Variants in LOC101059915 observed in about 807,000 individuals in gnomAD.
At chrX:71,667,864 C>T in the LOC101059915 span, 10 of 1,095,331 alleles carry the variant, frequency 9.1e-6, no homozygotes, top group Non-Finnish European at 1.2e-5. Flanking sequence ...GGGTGGCGAG[C>T]AGGCCGGCGC....
chrX:71,668,698 G>C, the LOC101059915 span: 5 of 1,076,445 alleles, frequency 4.6e-6, no homozygotes, highest in African/African-American at 7.6e-5. Flanking sequence ...GGGAAAGAGG[G>C]GGGTCAGGCC....
chrX:71,668,997 A>G, the LOC101059915 span: 12 of 1,165,093 alleles, frequency 1.0e-5, no homozygotes, highest in Non-Finnish European at 1.1e-5. Flanking sequence ...CTGCGGCCAG[A>G]GAAGATAATG....
the LOC101059915 span, among the ~76,000 whole-genome samples, chrX:71,669,993 C>T: frequency 8.9e-6 from 1 of 112,628 alleles, no homozygotes. Flanking sequence ...AAGTCCTGCT[C>T]AGCCATACCG....
chrX:71,669,156 C>T, the LOC101059915 span: 20 of 930,651 alleles, frequency 2.1e-5, no homozygotes, highest in South Asian at 2.7e-5. Context: ...CCCATGCCCT[C>T]TCTATCCCTT....
At chrX:71,667,854 G>A in the LOC101059915 span, 3 of 1,095,591 alleles carry the variant, frequency 2.7e-6, no homozygotes, top group South Asian at 4.7e-5. Flanking sequence ...TAGGCCCAGA[G>A]GGTGGCGAGC....
chrX:71,669,610 T>C, the LOC101059915 span: 18 of 965,767 alleles, frequency 1.9e-5, no homozygotes, highest in African/African-American at 3.3e-4. Flanking sequence ...TCGTGGAGAA[T>C]ACAGCAGTGG....
the LOC101059915 span, chrX:71,668,456 C>T: frequency 4.3e-6 from 5 of 1,161,138 alleles, no homozygotes; most frequent in East Asian, 6.5e-5. Context: ...AGCGACTTAC[C>T]GGTGATTAGG....
the LOC101059915 span, chrX:71,668,923 A>G: frequency 3.4e-5 from 39 of 1,142,330 alleles, no homozygotes; most frequent in Non-Finnish European, 4.5e-5. Flanking sequence ...CGTGAGACCC[A>G]AGGAGCCCAA....
the LOC101059915 span, chrX:71,671,340 G>A: frequency 9.5e-6 from 9 of 946,560 alleles, no homozygotes; most frequent in East Asian, 2.4e-4. Flanking sequence ...TCCCTGAGCT[G>A]CTCTGTTTCA....
the LOC101059915 span, chrX:71,671,421 C>T: frequency 6.1e-6 from 3 of 488,452 alleles, no homozygotes; most frequent in Admixed American, 8.2e-5. Context: ...TGCAGCTAAG[C>T]GGGTTCCCTC....
chrX:71,669,260 T>C, the LOC101059915 span, among the ~76,000 whole-genome samples: 1 of 111,884 alleles, frequency 8.9e-6, no homozygotes, highest in Non-Finnish European at 1.9e-5. Flanking sequence ...ACTTGGTGTG[T>C]GCCAGGCCTG....
the LOC101059915 span, chrX:71,667,587 T>A: frequency 3.6e-6 from 1 of 280,459 alleles, no homozygotes; most frequent in African/African-American, 2.8e-5. Context: ...GTCAGTGACA[T>A]CTCGTGAGCA....
chrX:71,668,696 G>A, the LOC101059915 span: 3 of 1,075,538 alleles, frequency 2.8e-6, no homozygotes, highest in African/African-American at 3.8e-5. Context: ...TGGGGAAAGA[G>A]GGGGGTCAGG....
chrX:71,670,066 AG>A, the LOC101059915 span, among the ~76,000 whole-genome samples: 1 of 112,256 alleles, frequency 8.9e-6, no homozygotes, highest in Non-Finnish European at 1.9e-5. Context: ...TCACAATGCT[AG>A]GGGGCCACAG....
At chrX:71,668,274 G>A in the LOC101059915 span, 1 of 1,131,074 alleles carries the variant, frequency 8.8e-7, no homozygotes. Flanking sequence ...GAGAATGGCA[G>A]CAGGCCTCTG....
the LOC101059915 span, chrX:71,669,534 C>T: frequency 1.0e-6 from 1 of 957,949 alleles, no homozygotes; most frequent in African/African-American, 2.0e-5. Flanking sequence ...CCACTGCCAG[C>T]CTGACTCAGA....
chrX:71,669,638 C>T, the LOC101059915 span: 1 of 968,981 alleles, frequency 1.0e-6, no homozygotes, highest in Non-Finnish European at 1.3e-6. Flanking sequence ...AACATCAGAG[C>T]TCCCCAAGTA....
At chrX:71,670,911 A>G in the LOC101059915 span, 1 of 752,236 alleles carries the variant, frequency 1.3e-6, no homozygotes, top group Non-Finnish European at 1.6e-6. Context: ...ACGGTTAGAG[A>G]TACCTTATGT....
chrX:71,669,768 C>G, the LOC101059915 span: 2 of 944,539 alleles, frequency 2.1e-6, no homozygotes, highest in African/African-American at 4.1e-5. Flanking sequence ...CGGAGGGAAA[C>G]CTCTGGCTCT....
Sources: allele counts gnomAD v4.1 joint callset (sites outside exome capture counted in the v4.1 genomes callset), GRCh38; gene constraint gnomAD v4.1.1; transcripts MANE v1.5.